CACNB2: variants seen among roughly 807,000 people sequenced by gnomAD.
CACNB2 encodes the protein calcium voltage-gated channel auxiliary subunit beta 2.
CACNB2 carries 42 observed loss-of-function variants against 73.3 expected under a neutral mutation model. That is an observed-to-expected ratio of 0.57 (90% CI 0.45 to 0.74). CACNB2 has a LOEUF of 0.74. Ranked by LOEUF, CACNB2 falls within the 30% of genes least tolerant of loss-of-function variation. The pLI, the probability that CACNB2 is intolerant of heterozygous loss-of-function variation, is 0.00. For synonymous variants in CACNB2, 348 were observed against 310.3 expected (o/e 1.12, Z -1.28); for missense variants, 940 against 853.0 (o/e 1.10, Z -1.27).
rs867105630 is a variant in CACNB2 at position 18,457,441 on chromosome 10, G to C, written c.334-40914G>C. On this transcript the variant is annotated intron_variant, in intron 3 of 13. Transcript: ENST00000324631. ...ATTAATTATATTCAGAAAACTTAAT[G>C]CTATCACCTTAGACTGTATAGCATA... 3.9e-5 allele frequency among the ~76,000 whole-genome samples: 6 copies of C among 152,188 alleles called. No homozygotes were observed. In the East Asian group the frequency reaches 5.8e-4, roughly 15 times the overall value.
intron 6 of CACNB2, among the ~76,000 whole-genome samples, chr10:18,507,353 G>C (rs2050547538): frequency 1.3e-5 from 2 of 152,226 alleles, no homozygotes; most frequent in South Asian, 2.1e-4. Context: ...TGTGGGAACA[G>C]TAACTACTGT....
chr10:18,338,684 TC>T (rs2041103253), intron 2 of CACNB2, among the ~76,000 whole-genome samples: 1 of 146,188 alleles, frequency 6.8e-6, no homozygotes, highest in African/African-American at 2.5e-5. Flanking sequence ...TCTCCTTCCT[TC>T]CTTCCTTCCT....
rs529600065 is a variant in CACNB2, at chr10:18,522,844, C to T, written c.944+3876C>T. On this transcript the variant is annotated intron_variant, in intron 9 of 13. Coordinates refer to ENST00000324631, the MANE Select transcript of CACNB2 (RefSeq NM_201596.3). ...AGTGAGCCGAGATCGTGCCACTGCCCTCCAGCCTGGGAAACAGAGTGAGAC... is the reference window on the plus strand; with the variant it reads ...AGTGAGCCGAGATCGTGCCACTGCCTTCCAGCCTGGGAAACAGAGTGAGAC... Among the ~76,000 whole-genome samples, 4 of 131,882 alleles carry T rather than the reference C, an allele frequency of 3.0e-5. No homozygotes were observed. In the South Asian group the frequency reaches 9.9e-4, roughly 33 times the overall value. The allele number at this position is 131,882 out of a possible 152,430, so 86.5% of individuals were successfully genotyped here. A position where few individuals can be genotyped will look rare whatever the true frequency, so the allele number is the denominator to read the frequency against.
At chr10:18,382,047 C>T (rs1193268928) in intron 2 of CACNB2, among the ~76,000 whole-genome samples, 1 of 152,018 alleles carries the variant, frequency 6.6e-6, no homozygotes, top group African/African-American at 2.4e-5. Flanking sequence ...ATAATATCGT[C>T]ATCTTAAGCA....
intron 3 of CACNB2, among the ~76,000 whole-genome samples, chr10:18,487,040 C>G (rs1022853707): frequency 6.6e-6 from 1 of 152,112 alleles, no homozygotes; most frequent in African/African-American, 2.4e-5. Context: ...CATAGTTGAG[C>G]TTGAGAAGGC....
chr10:18,219,598 G>T (rs1008165356), intron 2 of CACNB2, among the ~76,000 whole-genome samples: 15 of 152,098 alleles, frequency 9.9e-5, no homozygotes, highest in African/African-American at 3.6e-4. Context: ...CTCTGTACAT[G>T]ACTTGTAGAT....
intron 2 of CACNB2, among the ~76,000 whole-genome samples, chr10:18,367,698 T>G (rs563276986): frequency 1.2e-4 from 19 of 152,300 alleles, no homozygotes; most frequent in Admixed American, 2.6e-4. Context: ...AAACAGACAG[T>G]AAATGTAGTC....
chr10:18,393,400 G>A lies in CACNB2; in HGVS notation c.214-8524G>A, dbSNP rs1056300563. 3.3e-5 allele frequency among the ~76,000 whole-genome samples: 5 copies of A among 152,224 alleles called. No individual in the cohort carries two copies. The East Asian group carries it at 7.7e-4, about 23-fold the overall frequency. On this transcript the variant is annotated intron_variant, in intron 2 of 13. Coordinates refer to ENST00000324631, the MANE Select transcript of CACNB2 (RefSeq NM_201596.3). ...TTTCAAAATGGTTCCTTTGGACAAT[G>A]TCAAATTTTGCAAATATTGAGCAGA...
chr10:18,234,822 C>T (rs77184158), intron 2 of CACNB2, among the ~76,000 whole-genome samples: 1 of 152,130 alleles, frequency 6.6e-6, no homozygotes, highest in Non-Finnish European at 1.5e-5. Context: ...TGTGAATGCA[C>T]TTAATGCCAC....
chr10:18,432,909 C>A (rs573507538), intron 3 of CACNB2, among the ~76,000 whole-genome samples: 1 of 152,102 alleles, frequency 6.6e-6, no homozygotes, highest in East Asian at 1.9e-4. Flanking sequence ...TATTTCAAAG[C>A]AATAGGAAAT....
chr10:18,516,738 C>T (rs142597116), intron 7 of CACNB2, among the ~76,000 whole-genome samples: 41 of 151,802 alleles, frequency 2.7e-4, no homozygotes, highest in African/African-American at 8.2e-4. Flanking sequence ...ATGAGAAGAT[C>T]GTTTTCTATG....
At chr10:18,525,538 G>A (rs2052383993) in intron 9 of CACNB2, among the ~76,000 whole-genome samples, 1 of 151,948 alleles carries the variant, frequency 6.6e-6, no homozygotes, top group African/African-American at 2.4e-5. Context: ...GACCCTTTGG[G>A]ACCTGTCTTT....
At chr10:18,502,101 G>A (rs1349494586) in intron 5 of CACNB2, among the ~76,000 whole-genome samples, 2 of 152,206 alleles carry the variant, frequency 1.3e-5, no homozygotes, top group East Asian at 3.9e-4. Context: ...GAGGTCAGGA[G>A]TTCAAGACGA....
chr10:18,521,099 A>G (rs1366720819), intron 9 of CACNB2, among the ~76,000 whole-genome samples: 2 of 152,246 alleles, frequency 1.3e-5, no homozygotes, highest in East Asian at 3.8e-4. Context: ...TCTCTGCTAG[A>G]GAAATGCGGA....
chr10:18,417,170 C>T (rs61839259), intron 3 of CACNB2, among the ~76,000 whole-genome samples: 13,433 of 141,378 alleles, frequency 0.095, 725 homozygotes, highest in Middle Eastern at 0.18. Flanking sequence ...GCTATTAAGA[C>T]GATTTTAAAA....
chr10:18,427,254 T>C (rs2045654170), intron 3 of CACNB2, among the ~76,000 whole-genome samples: 1 of 152,178 alleles, frequency 6.6e-6, no homozygotes. Context: ...TTGTTGAATT[T>C]CTTATTGCGG....
intron 2 of CACNB2, among the ~76,000 whole-genome samples, chr10:18,371,327 G>C (rs959701317): frequency 9.2e-5 from 14 of 151,918 alleles, no homozygotes; most frequent in African/African-American, 3.4e-4. Flanking sequence ...TTTAACATTA[G>C]GTATATCTCC....
chr10:18,150,853 G>GTCTTTTTTTTTTTT (rs2031463172), intron 1 of CACNB2, 30 bp from the exon 2 acceptor site: 1 of 655,042 alleles, frequency 1.5e-6, no homozygotes, highest in South Asian at 2.3e-5. Context: ...AATCTTATTT[G>GTCTTTTTTTTTTTT]TCTTTTTTTT....
At chr10:18,302,204 A>C (rs1205153254) in intron 2 of CACNB2, among the ~76,000 whole-genome samples, 1 of 152,002 alleles carries the variant, frequency 6.6e-6, no homozygotes, top group Non-Finnish European at 1.5e-5. Context: ...AGACTTTGAG[A>C]TATTGTCCCA....
Sources: gnomAD v4.1 joint callset for allele counts (sites outside exome capture counted in the v4.1 genomes callset) on GRCh38, gnomAD v4.1.1 for gene constraint, MANE v1.5 for transcripts, NCBI Gene and HGNC (gene_info 2026-07-23, HGNC 2026-07-21) for gene names.